The following PRIM2 variants were observed in gnomAD, a reference collection of about 807,000 sequenced individuals.
PRIM2 encodes DNA primase subunit 2.
Under a neutral mutation model 67.3 loss-of-function variants are expected in PRIM2, and 39 were observed. That is an observed-to-expected ratio of 0.58 (90% confidence interval 0.45 to 0.76). PRIM2 has a LOEUF of 0.76. Among genes scored for constraint, PRIM2 ranks in the 30% least tolerant of loss-of-function variants. The pLI, the probability that PRIM2 is intolerant of heterozygous loss-of-function variation, is 0.00. For missense variants in PRIM2, 398 were observed against 598.7 expected (o/e 0.66, Z 3.50); for synonymous variants, 143 against 198.7 (o/e 0.72, Z 2.36).
At chr6:57,446,912 C>T (rs1346878210) in intron 7 of PRIM2, among the ~76,000 whole-genome samples, 1 of 152,150 alleles carries the variant, frequency 6.6e-6, no homozygotes, top group Non-Finnish European at 1.5e-5. Context: ...GATGTTGGTC[C>T]AGATCTGGGT....
intron 5 of PRIM2, among the ~76,000 whole-genome samples, chr6:57,377,781 A>T (rs1581843456): frequency 6.6e-6 from 1 of 151,946 alleles, no homozygotes; most frequent in East Asian, 1.9e-4. Context: ...ATCATCTCTG[A>T]AATGTCATTT....
intron 5 of PRIM2, among the ~76,000 whole-genome samples, chr6:57,342,961 A>T (rs1336941025): frequency 3.3e-5 from 5 of 152,068 alleles, no homozygotes; most frequent in African/African-American, 1.2e-4. Flanking sequence ...AAATTATTTC[A>T]TGTCATTCTT....
chr6:57,254,166 A>G, the PRIM2 span, among the ~76,000 whole-genome samples: 1 of 152,210 alleles, frequency 6.6e-6, no homozygotes, highest in Non-Finnish European at 1.5e-5. Context: ...GGTGACATTC[A>G]TGCTGCTGGC....
At chr6:57,505,280 C>A (rs1774227609) in intron 7 of PRIM2, 3 of 152,148 alleles carry the variant, frequency 2.0e-5, no homozygotes, top group African/African-American at 4.8e-5. Context: ...AGAGCATTGG[C>A]CTCTCCCTGG....
intron 7 of PRIM2, among the ~76,000 whole-genome samples, chr6:57,475,087 G>C (rs1303940815): frequency 6.6e-6 from 1 of 152,192 alleles, no homozygotes; most frequent in Non-Finnish European, 1.5e-5. Context: ...GGGAGAGCCA[G>C]AAGGGCCTAT....
At chr6:57,363,313 A>G (rs1251217525) in intron 5 of PRIM2, among the ~76,000 whole-genome samples, 4 of 152,200 alleles carry the variant, frequency 2.6e-5, no homozygotes, top group African/African-American at 9.6e-5. Flanking sequence ...TATGTAAGCA[A>G]TTAGTAATAA....
At chr6:57,506,200 T>C (rs1774247693) in intron 7 of PRIM2, among the ~76,000 whole-genome samples, 1 of 151,926 alleles carries the variant, frequency 6.6e-6, no homozygotes, top group African/African-American at 2.4e-5. Context: ...AGATTAATTG[T>C]CTCACTTTAT....
At chr6:57,627,481 C>T (rs1415406452) in intron 12 of PRIM2, among the ~76,000 whole-genome samples, 46 of 150,832 alleles carry the variant, frequency 3.0e-4, no homozygotes, top group African/African-American at 1.0e-3. Context: ...CTCCACATCC[C>T]GGGTTCAAGC....
intron 9 of PRIM2, among the ~76,000 whole-genome samples, chr6:57,532,740 A>G (rs1392983927): frequency 6.6e-5 from 10 of 152,186 alleles, no homozygotes; most frequent in Non-Finnish European, 1.3e-4. Flanking sequence ...AAATAGCTAA[A>G]TGGAGTTTGT....
chr6:57,321,197 G>T (rs1472994056), intron 3 of PRIM2, among the ~76,000 whole-genome samples: 1 of 152,210 alleles, frequency 6.6e-6, no homozygotes, highest in African/African-American at 2.4e-5. Flanking sequence ...GTGACTGATT[G>T]TAGGGGGAAT....
chr6:57,615,947 A>T (rs1196403102), intron 12 of PRIM2, among the ~76,000 whole-genome samples: 4 of 152,190 alleles, frequency 2.6e-5, no homozygotes, highest in African/African-American at 7.2e-5. Flanking sequence ...TCTTTTTGTT[A>T]TACTGAATCA....
At chr6:57,523,496 C>A (rs1258782144) in intron 8 of PRIM2, among the ~76,000 whole-genome samples, 1 of 152,200 alleles carries the variant, frequency 6.6e-6, no homozygotes, top group African/African-American at 2.4e-5. Flanking sequence ...AACTATTCCA[C>A]TACTTCCTGT....
the PRIM2 span, among the ~76,000 whole-genome samples, chr6:57,262,979 G>C: frequency 6.6e-6 from 1 of 152,146 alleles, no homozygotes; most frequent in African/African-American, 2.4e-5. Flanking sequence ...GGATGGTCAA[G>C]GAGGGAGGTG....
intron 10 of PRIM2, among the ~76,000 whole-genome samples, chr6:57,587,850 A>G (rs1776221451): frequency 6.6e-6 from 1 of 152,058 alleles, no homozygotes; most frequent in Admixed American, 6.6e-5. Flanking sequence ...TGACTTTTTA[A>G]TAGCCAAATG....
the PRIM2 span, among the ~76,000 whole-genome samples, chr6:57,285,925 C>T: frequency 6.6e-6 from 1 of 152,164 alleles, no homozygotes; most frequent in Non-Finnish European, 1.5e-5. Flanking sequence ...GATACAAAAT[C>T]AATGTGCAAA....
At chr6:57,483,218 T>A (rs1431475648) in intron 7 of PRIM2, among the ~76,000 whole-genome samples, 2 of 152,156 alleles carry the variant, frequency 1.3e-5, no homozygotes, top group African/African-American at 2.4e-5. Context: ...GATTTTTTTT[T>A]ATAAGACATT....
At chr6:57,555,280 G>A (rs1318181778) in intron 10 of PRIM2, among the ~76,000 whole-genome samples, 4 of 151,974 alleles carry the variant, frequency 2.6e-5, no homozygotes, top group South Asian at 2.1e-4. Context: ...TGTAAATATT[G>A]TATCTATTTA....
chr6:57,371,767 C>T (rs1161775116), intron 5 of PRIM2, among the ~76,000 whole-genome samples: 1 of 152,180 alleles, frequency 6.6e-6, no homozygotes, highest in Non-Finnish European at 1.5e-5. Context: ...ACCCTATCTC[C>T]CCAATCAGTT....
rs1308915748 is a variant in PRIM2, at chr6:57,580,176, G to T, written c.1021-20917G>T. Among the ~76,000 whole-genome samples, 245 of 152,202 alleles carry T rather than the reference G, an allele frequency of 1.6e-3. 1 individual carries two copies. Among genetic ancestry groups the T allele is most frequent in the African/African-American group, 5.6e-3 (234 of 41,540 alleles). On this transcript the variant is annotated intron_variant, in intron 10 of 13. Coordinates refer to ENST00000615550, the MANE Select transcript of PRIM2 (RefSeq NM_000947.5). Reference sequence around the variant, plus strand: ...GGCCTCATGCCTTTGAGAGGCCCAGGACAGAGGGTTGCTTGAGGCCAGGAA... The same window carrying T: ...GGCCTCATGCCTTTGAGAGGCCCAGTACAGAGGGTTGCTTGAGGCCAGGAA...
Sources: allele counts gnomAD v4.1 joint callset (sites outside exome capture counted in the v4.1 genomes callset), GRCh38; gene constraint gnomAD v4.1.1; transcripts MANE v1.5; gene names NCBI Gene and HGNC (gene_info 2026-07-23, HGNC 2026-07-21).